PUDP: variants seen among roughly 807,000 people sequenced by gnomAD.
PUDP encodes the protein pseudouridine-5'-phosphatase.
In PUDP, 8 loss-of-function variants were observed where a neutral mutation model predicts 9.4. That is an observed-to-expected ratio of 0.85 (90% CI 0.50 to 1.53). The LOEUF (loss-of-function observed/expected upper bound fraction) is 1.53. PUDP is among the 40% of genes most tolerant of loss of function. PUDP has a pLI of 0.00. For missense variants in PUDP, 188 were observed against 189.7 expected, an observed-to-expected ratio of 0.99 and a Z score of 0.05; for synonymous variants, 99 against 80.7, an observed-to-expected ratio of 1.23 and a Z score of -1.22.
intron 1 of PUDP, among the ~76,000 whole-genome samples, chrX:7,026,519 T>C (rs1929712524): frequency 8.9e-6 from 1 of 112,042 alleles, no homozygotes; most frequent in Admixed American, 9.5e-5. Flanking sequence ...GCACCCAGCA[T>C]CCACCCAGCG....
At chrX:6,968,776 T>A (rs575131592) in intron 3 of PUDP, among the ~76,000 whole-genome samples, 1 of 110,725 alleles carries the variant, frequency 9.0e-6, no homozygotes, top group Non-Finnish European at 1.9e-5. Flanking sequence ...CGTGCCACCA[T>A]ACCCAGCTAA....
intron 3 of PUDP, among the ~76,000 whole-genome samples, chrX:6,742,158 T>C (rs767023365): frequency 9.0e-6 from 1 of 111,731 alleles, no homozygotes; most frequent in South Asian, 3.8e-4. Flanking sequence ...TCCCTCTTTT[T>C]TAATGTGTAT....
intron 3 of PUDP, among the ~76,000 whole-genome samples, chrX:6,865,426 C>T (rs1927064671): frequency 8.9e-6 from 1 of 112,112 alleles, no homozygotes; most frequent in Non-Finnish European, 1.9e-5. Context: ...AAAGATTTTT[C>T]CCATAAGACA....
chrX:6,778,766 G>T (rs1925509076), intron 3 of PUDP, among the ~76,000 whole-genome samples: 1 of 112,363 alleles, frequency 8.9e-6, no homozygotes, highest in East Asian at 2.8e-4. Context: ...TTCCCACAGA[G>T]CCGACAAATG....
chrX:6,751,715 C>A (rs1409367618), intron 3 of PUDP, among the ~76,000 whole-genome samples: 1 of 111,213 alleles, frequency 9.0e-6, no homozygotes, highest in Non-Finnish European at 1.9e-5. Flanking sequence ...AAATATTTCT[C>A]CTCACTTCTC....
intron 3 of PUDP, among the ~76,000 whole-genome samples, chrX:6,736,636 C>G (rs1924875698): frequency 8.9e-6 from 1 of 111,947 alleles, no homozygotes; most frequent in Non-Finnish European, 1.9e-5. Context: ...ATAAAGAAAG[C>G]ATGGTTCATA....
chrX:6,734,424 C>T (rs1868646), intron 3 of PUDP, among the ~76,000 whole-genome samples: 33,309 of 111,313 alleles, frequency 0.3, 4,899 homozygotes, highest in African/African-American at 0.56. Context: ...TGCATACATA[C>T]AGCAAAACAT....
At chrX:7,023,641 TG>T (rs937628411) in intron 1 of PUDP, among the ~76,000 whole-genome samples, 3 of 112,280 alleles carry the variant, frequency 2.7e-5, no homozygotes, top group African/African-American at 9.7e-5. Context: ...TGAATTGTTT[TG>T]TACCTTTGCC....
At chrX:7,095,792 T>C (rs1931555745) in intron 2 of PUDP, among the ~76,000 whole-genome samples, 1 of 112,651 alleles carries the variant, frequency 8.9e-6, no homozygotes, top group South Asian at 3.7e-4. Context: ...TCTGCTGGCT[T>C]CCTTCTTGGC....
At chrX:7,138,872 C>T (rs1393475271) in intron 1 of PUDP, among the ~76,000 whole-genome samples, 1 of 99,412 alleles carries the variant, frequency 1.0e-5, no homozygotes. Flanking sequence ...CTCTTCTCAC[C>T]TCCACACTTC....
chrX:6,963,782 C>G (rs1249498121), intron 3 of PUDP, among the ~76,000 whole-genome samples: 1 of 111,911 alleles, frequency 8.9e-6, no homozygotes, highest in Non-Finnish European at 1.9e-5. Flanking sequence ...TTCCACCATG[C>G]CAATCCTTCG....
intron 3 of PUDP, among the ~76,000 whole-genome samples, chrX:6,972,344 T>C (rs1165168071): frequency 8.9e-6 from 1 of 112,080 alleles, no homozygotes; most frequent in African/African-American, 3.2e-5. Flanking sequence ...GGCTGTGGGT[T>C]TGTCATAGAT....
intron 3 of PUDP, among the ~76,000 whole-genome samples, chrX:6,884,422 C>G (rs1927393309): frequency 9.0e-6 from 1 of 111,640 alleles, no homozygotes. Context: ...GGGCAATGGG[C>G]TAGGATGTAA....
intron 1 of PUDP, among the ~76,000 whole-genome samples, chrX:7,127,514 T>C (rs1932514650): frequency 8.9e-6 from 1 of 112,393 alleles, no homozygotes; most frequent in African/African-American, 3.2e-5. Flanking sequence ...GGTGGAAAGA[T>C]ATTTACTTAT....
chrX:7,039,892 G>T (rs1455859262), intron 1 of PUDP, among the ~76,000 whole-genome samples: 2 of 112,038 alleles, frequency 1.8e-5, no homozygotes, highest in Non-Finnish European at 1.9e-5. Context: ...CGGGAGAAAT[G>T]CAGACTCCAA....
At chrX:7,114,060 CTCTCTT>C (rs1296706926) in intron 1 of PUDP, among the ~76,000 whole-genome samples, 1 of 90,224 alleles carries the variant, frequency 1.1e-5, no homozygotes, top group Non-Finnish European at 2.3e-5. Flanking sequence ...CTCTCTCTCT[CTCTCTT>C]TTTCTTTTTT....
intron 1 of PUDP, among the ~76,000 whole-genome samples, chrX:6,708,260 G>T (rs1255284811): frequency 9.0e-6 from 1 of 111,365 alleles, no homozygotes; most frequent in African/African-American, 3.3e-5. Context: ...GTAGCATTTG[G>T]GAAGCAAGGA....
chrX:7,031,072 G>A (rs1929786276), intron 1 of PUDP, among the ~76,000 whole-genome samples: 1 of 111,064 alleles, frequency 9.0e-6, no homozygotes, highest in South Asian at 3.9e-4. Flanking sequence ...TCATGGCGCT[G>A]GTGGGAAGGT....
chrX:7,018,671 T>C (rs1294190639), intron 1 of PUDP, among the ~76,000 whole-genome samples: 1 of 112,393 alleles, frequency 8.9e-6, no homozygotes, highest in Non-Finnish European at 1.9e-5. Context: ...GCAAAAATGC[T>C]AATGAATGCT....
Sources: allele counts gnomAD v4.1 joint callset (sites outside exome capture counted in the v4.1 genomes callset), GRCh38; gene constraint gnomAD v4.1.1; transcripts MANE v1.5; gene names NCBI Gene and HGNC (gene_info 2026-07-23, HGNC 2026-07-21).